TNS1: variants seen among roughly 807,000 people sequenced by gnomAD.
TNS1 encodes the protein tensin 1.
A neutral mutation model predicts 168.6 loss-of-function variants in TNS1; 62 were observed. That is an observed-to-expected ratio of 0.37 (90% CI 0.30 to 0.45). The LOEUF is 0.45. Among genes scored for constraint, TNS1 ranks in the 20% least tolerant of loss-of-function variants. The probability of loss-of-function intolerance (pLI) is 1.00; values close to 1 mark genes in which losing one functional copy is unlikely to be tolerated. For missense variants in TNS1, 2,240 were observed against 2,339.4 expected, an observed-to-expected ratio of 0.96 and a Z score of 0.88; for synonymous variants, 934 against 933.2, an observed-to-expected ratio of 1.00 and a Z score of -0.02.
In TNS1 at chr2:217,802,561, A is replaced by G. The variant is rs1263143906; in HGVS notation, c.*1898T>C. 1.3e-5 allele frequency: 2 copies of G among 152,304 alleles called. No individual in the cohort carries two copies. The highest frequency in any genetic ancestry group is 2.9e-5 in the Non-Finnish European group (2 of 68,088). The allele number at this position is 152,304 out of a possible 1,614,324, so 9.4% of individuals were successfully genotyped here. On this transcript the variant is annotated 3_prime_UTR_variant, in exon 33 of 33. Transcript: ENST00000682258. The stretch of plus-strand genomic sequence containing the variant: ...GGCTTGCTGAAAAGTAAGGGGGCCA[A>G]AGGCTGGGACATGTGCAACCCCTCC...
At chr2:217,920,828 C>T (rs1955634384) in intron 3 of TNS1, among the ~76,000 whole-genome samples, 1 of 152,072 alleles carries the variant, frequency 6.6e-6, no homozygotes, top group Non-Finnish European at 1.5e-5. Flanking sequence ...GTGTGGCTAA[C>T]ACATGTGGAA....
intron 3 of TNS1, among the ~76,000 whole-genome samples, chr2:217,949,908 G>T (rs1404089787): frequency 6.6e-6 from 1 of 152,144 alleles, no homozygotes; most frequent in Non-Finnish European, 1.5e-5. Context: ...GAATCGATAA[G>T]AGTTCATACA....
intron 29 of TNS1, 67 bp downstream of exon 29, chr2:217,810,181 G>A: frequency 6.4e-7 from 1 of 1,565,944 alleles, no homozygotes; most frequent in Non-Finnish European, 8.8e-7. Context: ...GCACGTGCAG[G>A]AGGGGTCAGG....
Position 217,978,711 on chromosome 2 carries a change from C to A in TNS1, c.186+54G>T, listed in dbSNP as rs887794020. ...GGCGCCCCCGCTCCAATCTGGGACC[C>A]CGAGCCAGGCCTGTCCCAAGTCCTC... is the stretch of plus-strand genomic sequence containing the variant. On this transcript the variant is annotated intron_variant, in intron 3 of 32. Transcript: ENST00000682258. 8.6e-6 allele frequency: 6 copies of A among 693,794 alleles called. No individual in the cohort carries two copies. The African/African-American group carries it at 8.8e-5, about 10-fold the overall frequency. The allele number at this position is 693,794 out of a possible 1,614,324, so 43.0% of individuals were successfully genotyped here. A position where few individuals can be genotyped will look rare whatever the true frequency, so the allele number is the denominator to read the frequency against.
At chr2:217,994,655 G>A (rs1326224322) in intron 1 of TNS1, among the ~76,000 whole-genome samples, 1 of 152,144 alleles carries the variant, frequency 6.6e-6, no homozygotes, top group Non-Finnish European at 1.5e-5. Flanking sequence ...GGTGGCATGT[G>A]CAGCCTTCCA....
chr2:217,980,502 CACACAGAGAG>C (rs1277905675), intron 2 of TNS1, among the ~76,000 whole-genome samples: 36 of 117,984 alleles, frequency 3.1e-4, no homozygotes, highest in African/African-American at 1.3e-3. Context: ...CTCCTACACA[CACACAGAGAG>C]AGAGAGAGAG....
At chr2:217,970,727 G>A (rs146198264) in intron 3 of TNS1, among the ~76,000 whole-genome samples, 2 of 152,278 alleles carry the variant, frequency 1.3e-5, no homozygotes, top group East Asian at 3.9e-4. Flanking sequence ...GGGAGAGATA[G>A]AGGGATTAGG....
chr2:218,001,326 C>T (rs1958559584), intron 1 of TNS1, among the ~76,000 whole-genome samples: 1 of 152,094 alleles, frequency 6.6e-6, no homozygotes, highest in South Asian at 2.1e-4. Context: ...ATCCCTACCT[C>T]TCTGTACCCT....
chr2:217,903,320 A>C (rs1212030498), intron 6 of TNS1, among the ~76,000 whole-genome samples: 2 of 152,160 alleles, frequency 1.3e-5, no homozygotes, highest in Admixed American at 1.3e-4. Context: ...GTTCCGTCTC[A>C]TTTGTCCATC....
intron 1 of TNS1, among the ~76,000 whole-genome samples, chr2:217,999,933 G>A (rs1483714542): frequency 6.6e-6 from 1 of 152,192 alleles, no homozygotes; most frequent in Non-Finnish European, 1.5e-5. Context: ...AGCTGCACTT[G>A]ACCCCCAGCC....
At chr2:218,008,564 A>AG (rs905499478) in intron 1 of TNS1, among the ~76,000 whole-genome samples, 5 of 152,250 alleles carry the variant, frequency 3.3e-5, no homozygotes, top group African/African-American at 1.2e-4. Flanking sequence ...CTGCAGCTGC[A>AG]GGGCCTGCCT....
intron 3 of TNS1, among the ~76,000 whole-genome samples, chr2:217,975,855 G>A (rs1457538798): frequency 1.3e-5 from 2 of 152,102 alleles, no homozygotes; most frequent in Non-Finnish European, 2.9e-5. Context: ...TCTCGAGTGG[G>A]CAACATCAGC....
chr2:217,847,045 A>G (rs1038418437), intron 19 of TNS1, among the ~76,000 whole-genome samples: 6 of 152,224 alleles, frequency 3.9e-5, no homozygotes, highest in African/African-American at 1.4e-4. Flanking sequence ...CCCCCAAGGA[A>G]CTAAAGTCTG....
At chr2:217,946,938 C>T (rs985422120) in intron 3 of TNS1, among the ~76,000 whole-genome samples, 8 of 104,064 alleles carry the variant, frequency 7.7e-5, no homozygotes, top group Non-Finnish European at 1.2e-4. Flanking sequence ...TCCACCATCG[C>T]TCTCTCTCTC....
chr2:217,815,163 C>T (rs771110983), intron 24 of TNS1, 165 bp from the exon 25 acceptor site: 26 of 623,142 alleles, frequency 4.2e-5, no homozygotes, highest in Non-Finnish European at 7.2e-5. Context: ...TAGGGTGAGC[C>T]TTAATCCAGT....
intron 32 of TNS1, among the ~76,000 whole-genome samples, chr2:217,806,876 T>C (rs972231): frequency 0.98 from 148,678 of 152,342 alleles, 72,566 homozygotes; most frequent in East Asian, 1. Context: ...CTTGGGGAGC[T>C]TGCAGGCTGG....
At chr2:217,862,125 C>A (rs74798439) in intron 18 of TNS1, among the ~76,000 whole-genome samples, 4,197 of 152,240 alleles carry the variant, frequency 0.028, 197 homozygotes, top group African/African-American at 0.096. Context: ...TGAATTCAGC[C>A]TCAAGGACCA....
At chr2:217,808,529 G>T in intron 31 of TNS1, 74 bp downstream of exon 31, 2 of 1,317,044 alleles carry the variant, frequency 1.5e-6, no homozygotes, top group Non-Finnish European at 2.2e-6. Context: ...ACACACACAT[G>T]CACATGCATG....
chr2:218,007,559 C>G (rs1411291014), upstream of TNS1, among the ~76,000 whole-genome samples: 1 of 11,560 alleles, frequency 8.7e-5, no homozygotes, highest in Non-Finnish European at 2.4e-4. Context: ...CCCTGAGGCT[C>G]GGGGGGTGGG....
Sources: gnomAD v4.1 joint callset for allele counts (sites outside exome capture counted in the v4.1 genomes callset) on GRCh38, gnomAD v4.1.1 for gene constraint, MANE v1.5 for transcripts, NCBI Gene and HGNC (gene_info 2026-07-23, HGNC 2026-07-21) for gene names.